PTPRD: variants seen among roughly 807,000 people sequenced by gnomAD.
The protein encoded by PTPRD is receptor-type tyrosine-protein phosphatase delta.
Under a neutral mutation model 214.5 loss-of-function variants are expected in PTPRD, and 34 were observed. The observed-to-expected ratio is 0.16, with a 90% CI of 0.12 to 0.21. The LOEUF is 0.21. Ranked by LOEUF, PTPRD falls within the 10% of genes least tolerant of loss-of-function variation. The pLI is 1.00. For synonymous variants in PTPRD, 1,128 were observed against 845.7 expected, an observed-to-expected ratio of 1.33 and a Z score of -5.79; for missense variants, 2,545 against 2,398.7, an observed-to-expected ratio of 1.06 and a Z score of -1.27.
chr9:9,740,360 T>TA, intron 6 of PTPRD, among the ~76,000 whole-genome samples: 1 of 126,586 alleles, frequency 7.9e-6, no homozygotes, highest in African/African-American at 3.6e-5. Flanking sequence ...CTAAAACTAC[T>TA]ATTTTTTTTT....
intron 44 of PTPRD, among the ~76,000 whole-genome samples, chr9:8,320,321 T>A (rs1587321594): frequency 6.6e-6 from 1 of 152,136 alleles, no homozygotes; most frequent in African/African-American, 2.4e-5. Context: ...GCCTACTTAA[T>A]ATTTTTAAAG....
At chr9:9,662,792 C>A in intron 7 of PTPRD, among the ~76,000 whole-genome samples, 1 of 151,398 alleles carries the variant, frequency 6.6e-6, no homozygotes, top group Non-Finnish European at 1.5e-5. Context: ...GCATTAAAAC[C>A]ACATGTATCT....
chr9:9,858,211 C>T (rs1403148540), intron 5 of PTPRD, among the ~76,000 whole-genome samples: 1 of 152,132 alleles, frequency 6.6e-6, no homozygotes, highest in Non-Finnish European at 1.5e-5. Flanking sequence ...TTTCATGATG[C>T]TCTGGAAGCC....
At chr9:8,743,253 G>C (rs1234151703) in intron 11 of PTPRD, among the ~76,000 whole-genome samples, 2 of 151,844 alleles carry the variant, frequency 1.3e-5, no homozygotes, top group African/African-American at 4.8e-5. Context: ...TTCCCTTTTT[G>C]TCCTAAGTTA....
chr9:8,533,360 C>T (rs1185551438), intron 14 of PTPRD, among the ~76,000 whole-genome samples: 1 of 151,938 alleles, frequency 6.6e-6, no homozygotes, highest in Non-Finnish European at 1.5e-5. Context: ...GAACTGTTTG[C>T]CATGGTATTG....
chr9:8,766,054 C>G (rs2094713992), intron 11 of PTPRD, among the ~76,000 whole-genome samples: 1 of 152,002 alleles, frequency 6.6e-6, no homozygotes, highest in African/African-American at 2.4e-5. Context: ...TTAAGGCCCT[C>G]TTGGTGGATA....
intron 2 of PTPRD, among the ~76,000 whole-genome samples, chr9:10,367,901 C>G (rs1378882019): frequency 6.6e-6 from 1 of 151,862 alleles, no homozygotes. Context: ...ATCTGCTTTA[C>G]ATGTATATTT....
rs1302853930 is a variant in PTPRD, at chr9:8,527,450, A to G, written c.542-97T>C. On this transcript the variant is annotated intron_variant, in intron 15 of 45. Transcript: ENST00000381196. ...ATTTTTCAGAGTTAAAGCTTTATAT[A>G]CTAAATCATCTATGTTACATGTGAA... 8 of 1,048,138 alleles carry G rather than the reference A, an allele frequency of 7.6e-6. No homozygotes were observed. In the East Asian group the frequency reaches 1.7e-4, roughly 23 times the overall value. 64.9% of individuals were successfully genotyped at this position (1,048,138 alleles called of 1,614,324 possible).
intron 3 of PTPRD, among the ~76,000 whole-genome samples, chr9:10,169,554 A>T (rs2099187243): frequency 6.6e-6 from 1 of 151,848 alleles, no homozygotes; most frequent in African/African-American, 2.4e-5. Flanking sequence ...TACCTTCCAC[A>T]AATAACAATT....
intron 11 of PTPRD, among the ~76,000 whole-genome samples, chr9:8,950,906 T>C (rs1046065295): frequency 6.6e-6 from 1 of 152,038 alleles, no homozygotes; most frequent in Admixed American, 6.6e-5. Flanking sequence ...ACGGCAAATA[T>C]ACTGTGCAAG....
At chr9:8,336,514 C>T (rs1473605354) in intron 43 of PTPRD, among the ~76,000 whole-genome samples, 1 of 146,084 alleles carries the variant, frequency 6.8e-6, no homozygotes. Flanking sequence ...CTAGGCAATA[C>T]CATTCAGGAC....
intron 11 of PTPRD, among the ~76,000 whole-genome samples, chr9:8,800,038 A>G (rs959376013): frequency 2.6e-5 from 4 of 151,936 alleles, no homozygotes; most frequent in African/African-American, 9.7e-5. Flanking sequence ...TGAGTTACAA[A>G]AAGTATACAA....
At chr9:10,357,028 A>C (rs1303994492) in intron 2 of PTPRD, among the ~76,000 whole-genome samples, 2 of 152,198 alleles carry the variant, frequency 1.3e-5, no homozygotes, top group African/African-American at 4.8e-5. Context: ...ATATTTGTGT[A>C]CTATTCACTT....
intron 7 of PTPRD, among the ~76,000 whole-genome samples, chr9:9,616,047 G>A (rs1370829788): frequency 1.3e-5 from 2 of 152,064 alleles, no homozygotes; most frequent in African/African-American, 4.8e-5. Flanking sequence ...GAATGCATTA[G>A]CCTGTAGTGC....
intron 35 of PTPRD, among the ~76,000 whole-genome samples, chr9:8,435,364 G>A (rs936017917): frequency 6.6e-6 from 1 of 152,030 alleles, no homozygotes; most frequent in Non-Finnish European, 1.5e-5. Context: ...GAATGTTAGC[G>A]CTGGTAGGTC....
intron 2 of PTPRD, among the ~76,000 whole-genome samples, chr9:10,432,982 A>C (rs2098693123): frequency 6.6e-6 from 1 of 151,908 alleles, no homozygotes; most frequent in Non-Finnish European, 1.5e-5. Context: ...CTTTCTTGTC[A>C]GGTCCATACG....
chr9:9,548,104 G>C (rs1308778823), intron 8 of PTPRD, among the ~76,000 whole-genome samples: 3 of 151,800 alleles, frequency 2.0e-5, no homozygotes, highest in Non-Finnish European at 4.4e-5. Flanking sequence ...AATACAATTT[G>C]TCATCAGCAG....
intron 2 of PTPRD, among the ~76,000 whole-genome samples, chr9:10,456,298 A>G (rs1356889848): frequency 6.6e-6 from 1 of 151,958 alleles, no homozygotes; most frequent in African/African-American, 2.4e-5. Context: ...AAAACCTGAT[A>G]ATAATTTTTG....
chr9:8,913,163 T>G (rs2098759786), intron 11 of PTPRD, among the ~76,000 whole-genome samples: 1 of 152,114 alleles, frequency 6.6e-6, no homozygotes, highest in Admixed American at 6.6e-5. Flanking sequence ...ACTTGAACAT[T>G]ACCTGGCACA....
Sources: gnomAD v4.1 joint callset for allele counts (sites outside exome capture counted in the v4.1 genomes callset) on GRCh38, gnomAD v4.1.1 for gene constraint, MANE v1.5 for transcripts, NCBI Gene and HGNC (gene_info 2026-07-23, HGNC 2026-07-21) for gene names.